GALNT17: variants seen among roughly 807,000 people sequenced by gnomAD.
The protein encoded by GALNT17 is UDP-GalNAc:polypeptide N-acetylgalactosaminyltransferase-like 3.
Under a neutral mutation model 63.7 loss-of-function variants are expected in GALNT17, and 29 were observed. The ratio of observed to expected loss-of-function variants is 0.46; its 90% CI spans 0.34 to 0.62. GALNT17 has a LOEUF of 0.62. GALNT17 is among the 20% of genes least tolerant of loss of function. The pLI, the probability that GALNT17 is intolerant of heterozygous loss-of-function variation, is 0.01. For missense variants in GALNT17, 603 were observed against 799.6 expected, an observed-to-expected ratio of 0.75 and a Z score of 2.97; for synonymous variants, 305 against 318.3, an observed-to-expected ratio of 0.96 and a Z score of 0.45.
At chr7:71,485,653 C>T (rs2116656216) in intron 5 of GALNT17, among the ~76,000 whole-genome samples, 1 of 152,282 alleles carries the variant, frequency 6.6e-6, no homozygotes, top group African/African-American at 2.4e-5. Context: ...ATTTTCTGCT[C>T]AAGAAATACC....
intron 5 of GALNT17, among the ~76,000 whole-genome samples, chr7:71,452,752 G>T (rs1226471993): frequency 6.6e-6 from 1 of 152,188 alleles, no homozygotes; most frequent in African/African-American, 2.4e-5. Context: ...TTCTAGTGCA[G>T]TATCTGATAA....
chr7:71,373,625 G>A (rs1056654718), intron 2 of GALNT17, among the ~76,000 whole-genome samples: 4 of 152,184 alleles, frequency 2.6e-5, no homozygotes, highest in African/African-American at 7.2e-5. Flanking sequence ...TCAGATCAGC[G>A]GCAGCATTGA....
At chr7:71,398,653 A>C (rs887885991) in intron 3 of GALNT17, among the ~76,000 whole-genome samples, 2 of 152,034 alleles carry the variant, frequency 1.3e-5, no homozygotes, top group Non-Finnish European at 2.9e-5. Context: ...TTATCTCTTA[A>C]ATAGTGATTA....
intron 1 of GALNT17, among the ~76,000 whole-genome samples, chr7:71,260,993 G>A (rs1053904102): frequency 1.3e-5 from 2 of 152,126 alleles, no homozygotes; most frequent in Admixed American, 6.5e-5. Flanking sequence ...CCTATTGATC[G>A]TCACACCGGC....
intron 1 of GALNT17, among the ~76,000 whole-genome samples, chr7:71,267,547 G>A (rs1790513231): frequency 6.6e-6 from 1 of 152,140 alleles, no homozygotes. Context: ...TCTCCTTTGA[G>A]ATATTTCTCT....
At chr7:71,629,399 A>G (rs1790424060) in intron 6 of GALNT17, among the ~76,000 whole-genome samples, 2 of 152,220 alleles carry the variant, frequency 1.3e-5, no homozygotes, top group African/African-American at 4.8e-5. Flanking sequence ...TGAAGACATT[A>G]CAAACTCAGA....
intron 5 of GALNT17, among the ~76,000 whole-genome samples, chr7:71,472,475 T>C (rs914540710): frequency 2.6e-5 from 4 of 151,948 alleles, no homozygotes; most frequent in African/African-American, 4.8e-5. Flanking sequence ...GATCAAATGG[T>C]CAAGAGGTCA....
intron 5 of GALNT17, among the ~76,000 whole-genome samples, chr7:71,462,667 G>T (rs1303363179): frequency 2.0e-5 from 3 of 152,160 alleles, no homozygotes; most frequent in Non-Finnish European, 2.9e-5. Flanking sequence ...AACAAAGGCG[G>T]GAAGACTTGA....
chr7:71,501,799 C>T (rs918671374), intron 5 of GALNT17, among the ~76,000 whole-genome samples: 21 of 152,200 alleles, frequency 1.4e-4, no homozygotes, highest in Non-Finnish European at 7.3e-5. Flanking sequence ...GTCCTTCCTT[C>T]TCCCTCTTTC....
At chr7:71,360,298 A>T (rs1792373118) in intron 2 of GALNT17, among the ~76,000 whole-genome samples, 1 of 152,226 alleles carries the variant, frequency 6.6e-6, no homozygotes, top group Admixed American at 6.5e-5. Context: ...ATAAATTATG[A>T]CTACTAACTC....
At chr7:71,671,799 G>T (rs1159830049) in intron 8 of GALNT17, among the ~76,000 whole-genome samples, 1 of 152,164 alleles carries the variant, frequency 6.6e-6, no homozygotes. Flanking sequence ...GCCAAGGCGG[G>T]TGATCACTTG....
At position 71,228,700 on chromosome 7, in the gene GALNT17, C is replaced by T. The variant is rs740207; in HGVS notation, c.238+95660C>T. ...TTTGTCTTCACCTCAACTCTTTTCT[C>T]CTGCATGTGTCTATTGAACTTCCCC... On this transcript the variant is annotated intron_variant, in intron 1 of 10. Coordinates refer to ENST00000333538, the MANE Select transcript of GALNT17 (RefSeq NM_022479.3). Among the ~76,000 whole-genome samples the T allele has an allele frequency of 6.6e-4, 101 of 152,328 alleles. 3 individuals carry two copies. The highest frequency in any genetic ancestry group is 2.1e-3 in the African/African-American group (88 of 41,584).
intron 1 of GALNT17, among the ~76,000 whole-genome samples, chr7:71,173,302 C>CA (rs1788577998): frequency 6.6e-6 from 1 of 152,138 alleles, no homozygotes; most frequent in African/African-American, 2.4e-5. Flanking sequence ...TGAATGAAGA[C>CA]AGAGATTTTG....
chr7:71,223,443 A>G (rs1789623587), intron 1 of GALNT17, among the ~76,000 whole-genome samples: 1 of 152,012 alleles, frequency 6.6e-6, no homozygotes, highest in Non-Finnish European at 1.5e-5. Context: ...TTCTTGCTCA[A>G]ATTGTTCTAG....
At chr7:71,318,036 C>G (rs182666574) in intron 1 of GALNT17, among the ~76,000 whole-genome samples, 1 of 152,190 alleles carries the variant, frequency 6.6e-6, no homozygotes, top group African/African-American at 2.4e-5. Flanking sequence ...ATCCTCCTAC[C>G]TCAGCCTCCC....
chr7:71,165,429 G>T (rs1788421140), intron 1 of GALNT17, among the ~76,000 whole-genome samples: 1 of 152,112 alleles, frequency 6.6e-6, no homozygotes, highest in African/African-American at 2.4e-5. Flanking sequence ...CACAAACATG[G>T]CAGAAGGTGA....
intron 1 of GALNT17, among the ~76,000 whole-genome samples, chr7:71,213,888 C>G (rs546521503): frequency 3.9e-4 from 60 of 152,262 alleles, no homozygotes; most frequent in African/African-American, 1.4e-3. Context: ...CTGTTCCTAC[C>G]ATAGTATTAC....
intron 1 of GALNT17, among the ~76,000 whole-genome samples, chr7:71,247,581 C>G (rs969710150): frequency 6.6e-6 from 1 of 152,162 alleles, no homozygotes; most frequent in Non-Finnish European, 1.5e-5. Flanking sequence ...CTCAGCCTCC[C>G]GAGCAGCTGG....
intron 5 of GALNT17, among the ~76,000 whole-genome samples, chr7:71,546,579 A>AG (rs1210808410): frequency 2.0e-5 from 3 of 152,214 alleles, no homozygotes; most frequent in Non-Finnish European, 1.5e-5. Flanking sequence ...TGAACGTCAA[A>AG]GGGATTCAGG....
Sources: gnomAD v4.1 joint callset for allele counts (sites outside exome capture counted in the v4.1 genomes callset) on GRCh38, gnomAD v4.1.1 for gene constraint, MANE v1.5 for transcripts, NCBI Gene and HGNC (gene_info 2026-07-23, HGNC 2026-07-21) for gene names.